The following HERPUD2 variants were observed in gnomAD, a reference collection of about 807,000 sequenced individuals.
HERPUD2 encodes the protein homocysteine-responsive endoplasmic reticulum-resident ubiquitin-like domain member 2 protein.
HERPUD2 carries 13 observed loss-of-function variants against 49.9 expected under a neutral mutation model. The ratio of observed to expected loss-of-function variants is 0.26; its 90% CI spans 0.17 to 0.41. HERPUD2 has a LOEUF of 0.41. Ranked by LOEUF, HERPUD2 falls within the 10% of genes least tolerant of loss-of-function variation. HERPUD2 has a pLI of 1.00. For missense variants in HERPUD2, 449 were observed against 492.2 expected (o/e 0.91, Z 0.83); for synonymous variants, 172 against 171.4 (o/e 1.00, Z -0.03).
intron 2 of HERPUD2, among the ~76,000 whole-genome samples, chr7:35,680,323 C>T (rs767380810): frequency 7.9e-5 from 12 of 151,824 alleles, no homozygotes; most frequent in Non-Finnish European, 1.5e-4. Context: ...GTGAGAGGAT[C>T]ACTTGAGCCC....
At chr7:35,663,800 C>T (rs1468707668) in intron 5 of HERPUD2, among the ~76,000 whole-genome samples, 14 of 152,052 alleles carry the variant, frequency 9.2e-5, no homozygotes, top group East Asian at 3.9e-4. Context: ...TGTCTCTGCA[C>T]GTGAGATGGG....
chr7:35,644,534 G>A (rs1785017574), intron 5 of HERPUD2, among the ~76,000 whole-genome samples: 4 of 152,214 alleles, frequency 2.6e-5, no homozygotes, highest in African/African-American at 9.6e-5. Context: ...CTGGGAGCCT[G>A]AGGCAGGTGG....
intron 5 of HERPUD2, among the ~76,000 whole-genome samples, chr7:35,640,785 T>A (rs1018176781): frequency 1.3e-5 from 2 of 152,166 alleles, no homozygotes; most frequent in Admixed American, 1.3e-4. Flanking sequence ...ATTTAATATA[T>A]GTTAGAGGAT....
rs1562688553 is a variant in HERPUD2 at position 35,686,734 on chromosome 7, A to AAAC, written c.147+7449_147+7450insGTT. On this transcript the variant is annotated intron_variant, in intron 2 of 8. Transcript: ENST00000311350. ...ACTCCGTCTCAAAAAAAAAAAAAAA[A>AAAC]AAAAAAAAAAACCAAACCCATTTCC... Among the ~76,000 whole-genome samples, 5 of 102,974 alleles carry AAAC rather than the reference A, an allele frequency of 4.9e-5. 1 individual carries two copies. The highest frequency in any genetic ancestry group is 9.1e-5 in the Non-Finnish European group (5 of 55,080). 67.6% of individuals were successfully genotyped at this position (102,974 alleles called of 152,430 possible).
chr7:35,659,492 T>A (rs986830024), intron 5 of HERPUD2, among the ~76,000 whole-genome samples: 5 of 152,246 alleles, frequency 3.3e-5, no homozygotes, highest in Admixed American at 1.3e-4. Flanking sequence ...ATTGCTAATA[T>A]ATCACTATGT....
intron 5 of HERPUD2, among the ~76,000 whole-genome samples, chr7:35,657,229 A>G (rs1401271617): frequency 2.0e-5 from 3 of 152,170 alleles, no homozygotes; most frequent in Non-Finnish European, 4.4e-5. Flanking sequence ...CTCAAGGAAG[A>G]CATACAATGG....
At chr7:35,655,442 CATCACATCAACAGAATG>C (rs1318038514) in intron 5 of HERPUD2, among the ~76,000 whole-genome samples, 4 of 152,160 alleles carry the variant, frequency 2.6e-5, no homozygotes, top group Non-Finnish European at 5.9e-5. Context: ...AAACATGATA[CATCACATCAACAGAATG>C]AAGGACAAAA....
intron 2 of HERPUD2, among the ~76,000 whole-genome samples, chr7:35,684,611 T>C (rs369340370): frequency 7.2e-5 from 11 of 152,270 alleles, no homozygotes; most frequent in African/African-American, 2.6e-4. Context: ...TGGATGAGAC[T>C]GGAGACTATT....
chr7:35,666,825 A>G (rs1255821024), intron 5 of HERPUD2, among the ~76,000 whole-genome samples: 1 of 152,210 alleles, frequency 6.6e-6, no homozygotes, highest in East Asian at 1.9e-4. Context: ...TAAAACTCTC[A>G]ATACAACAAA....
chr7:35,637,172 T>G (rs28371397), intron 6 of HERPUD2, among the ~76,000 whole-genome samples: 1 of 121,422 alleles, frequency 8.2e-6, no homozygotes, highest in Non-Finnish European at 1.9e-5. Context: ...GATAGATAGA[T>G]AGATAGATAG....
chr7:35,645,351 G>A (rs577275925), intron 5 of HERPUD2, among the ~76,000 whole-genome samples: 18 of 152,250 alleles, frequency 1.2e-4, no homozygotes, highest in African/African-American at 3.4e-4. Flanking sequence ...GGAGGCTGAG[G>A]CAGGAGGACT....
chr7:35,656,067 C>A (rs1048422510), intron 5 of HERPUD2, among the ~76,000 whole-genome samples: 1 of 152,058 alleles, frequency 6.6e-6, no homozygotes, highest in Admixed American at 6.6e-5. Context: ...GAGGCTGAGG[C>A]AGGAGAATCT....
chr7:35,674,460 G>C (rs1350136671), intron 2 of HERPUD2, among the ~76,000 whole-genome samples: 1 of 121,916 alleles, frequency 8.2e-6, no homozygotes, highest in African/African-American at 3.1e-5. Context: ...GAGAGAGAGA[G>C]AGAGGAGCAC....
chr7:35,661,908 T>C (rs904063292), intron 5 of HERPUD2, among the ~76,000 whole-genome samples: 7 of 152,314 alleles, frequency 4.6e-5, no homozygotes, highest in Non-Finnish European at 8.8e-5. Flanking sequence ...CTTCCAACAC[T>C]ACGTTGAAAA....
intron 2 of HERPUD2, among the ~76,000 whole-genome samples, chr7:35,692,919 C>G (rs764303420): frequency 1.4e-4 from 22 of 152,186 alleles, no homozygotes; most frequent in Non-Finnish European, 2.8e-4. Context: ...CCAACAGATC[C>G]ATGCTTAAAT....
At chr7:35,673,420 G>C (rs1472416192) in intron 2 of HERPUD2, 142 bp from the exon 3 acceptor site, 8 of 609,602 alleles carry the variant, frequency 1.3e-5, no homozygotes, top group Non-Finnish European at 2.3e-5. Flanking sequence ...AAGAATTTTT[G>C]TTTTTCCAAA....
chr7:35,673,765 G>A (rs1350797902), intron 2 of HERPUD2, among the ~76,000 whole-genome samples: 1 of 152,062 alleles, frequency 6.6e-6, no homozygotes, highest in Non-Finnish European at 1.5e-5. Context: ...ATATTGTGCA[G>A]AACAATTTAT....
chr7:35,660,869 G>C (rs1785403576), intron 5 of HERPUD2, among the ~76,000 whole-genome samples: 1 of 152,178 alleles, frequency 6.6e-6, no homozygotes, highest in Non-Finnish European at 1.5e-5. Context: ...CTGGGCAGAA[G>C]CTCTTTAGTT....
intron 3 of HERPUD2, among the ~76,000 whole-genome samples, chr7:35,672,467 G>A (rs1265754394): frequency 6.6e-6 from 1 of 151,814 alleles, no homozygotes; most frequent in African/African-American, 2.4e-5. Flanking sequence ...TTTCCCATAG[G>A]TGATCATAAA....
Sources: allele counts gnomAD v4.1 joint callset (sites outside exome capture counted in the v4.1 genomes callset), GRCh38; gene constraint gnomAD v4.1.1; transcripts MANE v1.5; gene names NCBI Gene and HGNC (gene_info 2026-07-23, HGNC 2026-07-21).